The following FHOD3 variants were observed in gnomAD, a reference collection of about 807,000 sequenced individuals.
FHOD3 encodes FH1/FH2 domain-containing protein 3.
FHOD3 carries 90 observed loss-of-function variants against 173.0 expected under a neutral mutation model. The ratio of observed to expected loss-of-function variants is 0.52; its 90% confidence interval spans 0.44 to 0.62. The LOEUF (loss-of-function observed/expected upper bound fraction) is 0.62, where lower values mean the gene tolerates loss of function less well. Ranked by LOEUF, FHOD3 falls within the 20% of genes least tolerant of loss-of-function variation. FHOD3 has a pLI of 0.00. For synonymous variants in FHOD3, 828 were observed against 823.0 expected, an observed-to-expected ratio of 1.01 and a Z score of -0.10; for missense variants, 1,945 against 2,034.7, an observed-to-expected ratio of 0.96 and a Z score of 0.85.
intron 18 of FHOD3, among the ~76,000 whole-genome samples, chr18:36,713,492 A>G (rs2040284045): frequency 6.6e-6 from 1 of 152,230 alleles, no homozygotes; most frequent in South Asian, 2.1e-4. Flanking sequence ...AAATAAATCA[A>G]AATGAAATTC....
intron 5 of FHOD3, among the ~76,000 whole-genome samples, chr18:36,549,215 T>C (rs1325771495): frequency 2.0e-5 from 3 of 152,344 alleles, no homozygotes; most frequent in African/African-American, 7.2e-5. Flanking sequence ...TTGCTATCCA[T>C]CCATCATCTT....
intron 6 of FHOD3, 117 bp downstream of exon 6, chr18:36,576,662 G>A: frequency 3.1e-6 from 2 of 645,466 alleles, no homozygotes; most frequent in Non-Finnish European, 5.2e-6. Context: ...AGCCGTTACA[G>A]TATAAATGAG....
At chr18:36,636,632 C>T (rs564421459) in intron 10 of FHOD3, among the ~76,000 whole-genome samples, 2 of 151,572 alleles carry the variant, frequency 1.3e-5, no homozygotes, top group East Asian at 3.9e-4. Flanking sequence ...CACATGGCCC[C>T]AGATAAATAA....
chr18:36,653,412 A>C lies in FHOD3; in HGVS notation c.1717A>C (p.Asn573His), dbSNP rs954811082. The change falls in exon 13 of 29, where the codon AAT becomes CAT. Residue 573 changes from asparagine (N) to histidine (H), a missense_variant. Asn to His is a moderately conservative substitution (Grantham distance 68). Coordinates refer to ENST00000590592, the MANE Select transcript of FHOD3 (RefSeq NM_001281740.3). ...TTACCACTTCCGATCTTTCTCTTCT[A>C]ATAGGTGGGTGTCTTTATTTTCTTT... ...EPYHFRSFSS[N>H]RYSNFGNNSY... 1 of 1,528,540 alleles carries C rather than the reference A, an allele frequency of 6.5e-7. No individual in the cohort carries two copies. The highest frequency in any genetic ancestry group is 8.8e-7 in the Non-Finnish European group (1 of 1,140,874). The allele number at this position is 1,528,540 out of a possible 1,614,324, so 94.7% of individuals were successfully genotyped here. A position where few individuals can be genotyped will look rare whatever the true frequency, so the allele number is the denominator to read the frequency against.
intron 1 of FHOD3, among the ~76,000 whole-genome samples, chr18:36,344,587 A>G (rs2045790751): frequency 6.6e-6 from 1 of 152,210 alleles, no homozygotes; most frequent in Non-Finnish European, 1.5e-5. Context: ...GAATACTAGA[A>G]AGGAATATAG....
intron 3 of FHOD3, among the ~76,000 whole-genome samples, chr18:36,496,232 G>A (rs2145902215): frequency 6.6e-6 from 1 of 152,298 alleles, no homozygotes; most frequent in East Asian, 1.9e-4. Context: ...GCTGTGGGAG[G>A]AAGTGCTTCT....
Position 36,653,959 on chromosome 18 carries a change from T to TG in FHOD3, c.1721+544dup, listed in dbSNP as rs566068280. 4.6e-5 allele frequency among the ~76,000 whole-genome samples: 7 copies of TG among 152,352 alleles called. No homozygotes were observed. In the East Asian group the frequency reaches 1.3e-3, roughly 29 times the overall value. The stretch of plus-strand genomic sequence containing the variant: ...TGAGGCACAGAAAGGCTAAGTACCT[T>TG]GACCAGAGTCACTCAGCTAGTATGT... On this transcript the variant is annotated intron_variant, in intron 13 of 28. Transcript: ENST00000590592.
chr18:36,632,201 A>G (rs2034565865), intron 10 of FHOD3, among the ~76,000 whole-genome samples: 1 of 152,194 alleles, frequency 6.6e-6, no homozygotes, highest in South Asian at 2.1e-4. Context: ...ATGACTCACC[A>G]TTTTCCCACA....
intron 9 of FHOD3, among the ~76,000 whole-genome samples, chr18:36,613,028 T>A (rs1320524297): frequency 1.3e-5 from 2 of 152,212 alleles, no homozygotes; most frequent in African/African-American, 4.8e-5. Flanking sequence ...GGTAACAGGG[T>A]AAGAAAGGAT....
intron 3 of FHOD3, among the ~76,000 whole-genome samples, chr18:36,485,751 A>G (rs533524958): frequency 6.6e-6 from 1 of 152,172 alleles, no homozygotes; most frequent in Non-Finnish European, 1.5e-5. Flanking sequence ...TGCTCAGCCA[A>G]CCTACCATGA....
At chr18:36,423,483 A>C (rs1450032686) in intron 3 of FHOD3, among the ~76,000 whole-genome samples, 1 of 152,174 alleles carries the variant, frequency 6.6e-6, no homozygotes, top group Non-Finnish European at 1.5e-5. Context: ...TCCTAAGTAC[A>C]CTCTGAGAAT....
intron 4 of FHOD3, among the ~76,000 whole-genome samples, chr18:36,511,859 G>A (rs1274899282): frequency 1.6e-4 from 24 of 152,200 alleles, no homozygotes; most frequent in Non-Finnish European, 7.3e-5. Flanking sequence ...GAGGGATTGC[G>A]TGGCTGCTCC....
chr18:36,306,472 A>G (rs1256642675), intron 1 of FHOD3, among the ~76,000 whole-genome samples: 1 of 152,226 alleles, frequency 6.6e-6, no homozygotes, highest in Non-Finnish European at 1.5e-5. Context: ...AGTTAGAACC[A>G]GATATGTTCC....
At position 36,599,591 on chromosome 18, in the gene FHOD3, G is replaced by GTTAGA. The variant is rs777178075; in HGVS notation, c.719-3082_719-3078dup. Among the ~76,000 whole-genome samples the GTTAGA allele has an allele frequency of 3.6e-4, 55 of 152,342 alleles. 1 individual carries two copies. Among genetic ancestry groups the GTTAGA allele is most frequent in the Admixed American group, 1.3e-4 (2 of 15,302 alleles). On this transcript the variant is annotated intron_variant, in intron 7 of 28. Coordinates refer to ENST00000590592, the MANE Select transcript of FHOD3 (RefSeq NM_001281740.3). ...TGCTGTGAGGAGCTTCTGTTTTCGTGTTAGACCAACCCATGTCTGAGGCAC... is the reference window on the plus strand; with the variant it reads ...TGCTGTGAGGAGCTTCTGTTTTCGTGTTAGATTAGACCAACCCATGTCTGAGGCAC...
At chr18:36,574,860 TG>T (rs1318386375) in intron 5 of FHOD3, among the ~76,000 whole-genome samples, 1 of 152,202 alleles carries the variant, frequency 6.6e-6, no homozygotes, top group Non-Finnish European at 1.5e-5. Flanking sequence ...CAAAATATAC[TG>T]CTTATTGTGT....
chr18:36,458,902 T>G (rs2052386714), intron 3 of FHOD3, among the ~76,000 whole-genome samples: 1 of 152,196 alleles, frequency 6.6e-6, no homozygotes, highest in Admixed American at 6.5e-5. Context: ...GCACGTATCC[T>G]TTCACACATT....
At chr18:36,352,848 A>G (rs975596115) in intron 1 of FHOD3, among the ~76,000 whole-genome samples, 3 of 152,246 alleles carry the variant, frequency 2.0e-5, no homozygotes, top group Non-Finnish European at 4.4e-5. Context: ...TTTCTTAGTT[A>G]ATAACAGCAG....
intron 17 of FHOD3, among the ~76,000 whole-genome samples, chr18:36,707,781 G>A (rs556297984): frequency 1.2e-3 from 183 of 152,250 alleles, no homozygotes; most frequent in African/African-American, 4.2e-3. Context: ...CCTGATCTGC[G>A]TGTTCTCATG....
In FHOD3 at chr18:36,569,781, T is replaced by C. The variant is rs184039396; in HGVS notation, c.512-6670T>C. 2.1e-4 allele frequency among the ~76,000 whole-genome samples: 32 copies of C among 152,246 alleles called. No individual in the cohort carries two copies. The East Asian group carries it at 5.2e-3, about 25-fold the overall frequency. On this transcript the variant is annotated intron_variant, in intron 5 of 28. Coordinates refer to ENST00000590592, the MANE Select transcript of FHOD3 (RefSeq NM_001281740.3). ...GTAAATCAGTAACGGAAGGAGAACA[T>C]GAATATGTCCAAACTCTTAGAAATT...
Sources: gnomAD v4.1 joint callset for allele counts (sites outside exome capture counted in the v4.1 genomes callset) on GRCh38, gnomAD v4.1.1 for gene constraint, MANE v1.5 for transcripts, NCBI Gene and HGNC (gene_info 2026-07-23, HGNC 2026-07-21) for gene names.